DISC1: variants seen among roughly 807,000 people sequenced by gnomAD.
DISC1 encodes disrupted in schizophrenia 1 protein.
DISC1 carries 57 observed loss-of-function variants against 84.5 expected under a neutral mutation model. The observed-to-expected ratio is 0.67, with a 90% CI of 0.55 to 0.84. DISC1 has a LOEUF of 0.84. DISC1 is among the 40% of genes least tolerant of loss of function. DISC1 has a pLI of 0.00. For synonymous variants in DISC1, 411 were observed against 415.2 expected (o/e 0.99, Z 0.12); for missense variants, 1,000 against 1,057.8 (o/e 0.95, Z 0.76).
chr1:231,804,861 G>A (rs1011077554), intron 8 of DISC1, among the ~76,000 whole-genome samples: 1 of 152,160 alleles, frequency 6.6e-6, no homozygotes, highest in Non-Finnish European at 1.5e-5. Flanking sequence ...CCATGTTTTA[G>A]CGGAGTAGTG....
chr1:231,760,665 T>TG (rs751448038), intron 4 of DISC1, among the ~76,000 whole-genome samples: 14 of 152,364 alleles, frequency 9.2e-5, no homozygotes, highest in Non-Finnish European at 1.8e-4. Context: ...AAGGACCTCC[T>TG]GTGTTACATG....
chr1:231,843,305 G>A (rs2083212956), intron 9 of DISC1, among the ~76,000 whole-genome samples: 1 of 152,196 alleles, frequency 6.6e-6, no homozygotes, highest in Non-Finnish European at 1.5e-5. Flanking sequence ...TGTTCAGTGG[G>A]GTGGAGGAGT....
intron 9 of DISC1, among the ~76,000 whole-genome samples, chr1:231,950,247 T>TGTGTGTGTGA (rs1553405395): frequency 1.3e-5 from 2 of 148,668 alleles, no homozygotes; most frequent in East Asian, 2.0e-4. Flanking sequence ...TGTGTGTGTG[T>TGTGTGTGTGA]GATGCCCATA....
chr1:231,716,502 C>T (rs372632938), intron 3 of DISC1, among the ~76,000 whole-genome samples: 3 of 152,034 alleles, frequency 2.0e-5, no homozygotes, highest in South Asian at 4.2e-4. Context: ...TGCTTTGTTG[C>T]ATGACATTGG....
In DISC1 at chr1:231,846,011, G is replaced by A. The variant is rs1376796081; in HGVS notation, c.1981+27494G>A. On this transcript the variant is annotated intron_variant, in intron 9 of 12. Coordinates refer to ENST00000439617, the MANE Select transcript of DISC1 (RefSeq NM_018662.3). ...GCCCCCAGAGAAGGGGGATGTCCCA[G>A]ATGAGAGCAATGAGAAGGACAGCTT... Among the ~76,000 whole-genome samples the A allele has an allele frequency of 2.0e-5, 3 of 152,104 alleles. No homozygotes were observed. The East Asian group carries it at 5.8e-4, about 30-fold the overall frequency.
At chr1:231,717,829 C>G (rs1313657019) in intron 3 of DISC1, among the ~76,000 whole-genome samples, 1 of 152,126 alleles carries the variant, frequency 6.6e-6, no homozygotes, top group Non-Finnish European at 1.5e-5. Flanking sequence ...ACAGTCAAAT[C>G]TCTTCATTAA....
At chr1:231,659,330 C>CTATTGTA (rs2061393212) in intron 1 of DISC1, among the ~76,000 whole-genome samples, 1 of 152,050 alleles carries the variant, frequency 6.6e-6, no homozygotes, top group Non-Finnish European at 1.5e-5. Flanking sequence ...GGTGATATCT[C>CTATTGTA]CCTTAACATT....
chr1:231,840,917 A>T (rs962890292), intron 9 of DISC1, among the ~76,000 whole-genome samples: 15 of 152,262 alleles, frequency 9.9e-5, no homozygotes, highest in South Asian at 2.1e-4. Flanking sequence ...GTAAATTTTT[A>T]AAAAATTTTA....
At chr1:231,875,262 G>A (rs916536800) in intron 9 of DISC1, among the ~76,000 whole-genome samples, 1 of 152,146 alleles carries the variant, frequency 6.6e-6, no homozygotes, top group Admixed American at 6.5e-5. Context: ...TGAACCTGTG[G>A]GGATGTGAGC....
At chr1:231,681,110 C>T (rs148439696) in intron 1 of DISC1, among the ~76,000 whole-genome samples, 21 of 152,300 alleles carry the variant, frequency 1.4e-4, no homozygotes, top group South Asian at 2.1e-4. Context: ...GAGGGGGGCT[C>T]AGATGGTGAT....
intron 9 of DISC1, among the ~76,000 whole-genome samples, chr1:231,829,362 G>C (rs1426092043): frequency 6.6e-6 from 1 of 151,816 alleles, no homozygotes; most frequent in Non-Finnish European, 1.5e-5. Context: ...TTGTTTTTTT[G>C]TGCCTTTATA....
chr1:231,933,157 G>T (rs1311265426), intron 9 of DISC1, among the ~76,000 whole-genome samples: 1 of 152,110 alleles, frequency 6.6e-6, no homozygotes, highest in Non-Finnish European at 1.5e-5. Flanking sequence ...TAATAGTATT[G>T]TCCCAATTTT....
At chr1:232,034,864 A>G (rs1174071607) in intron 12 of DISC1, among the ~76,000 whole-genome samples, 1 of 151,916 alleles carries the variant, frequency 6.6e-6, no homozygotes, top group Non-Finnish European at 1.5e-5. Context: ...GATTAGCGGA[A>G]CTATGTAAGA....
chr1:231,902,787 C>T (rs1230235295), intron 9 of DISC1, among the ~76,000 whole-genome samples: 1 of 152,114 alleles, frequency 6.6e-6, no homozygotes, highest in African/African-American at 2.4e-5. Context: ...TTGAGTATCC[C>T]TGTCTAAATC....
intron 4 of DISC1, among the ~76,000 whole-genome samples, chr1:231,761,334 G>T (rs1463715127): frequency 6.6e-6 from 1 of 152,224 alleles, no homozygotes; most frequent in East Asian, 1.9e-4. Flanking sequence ...TACACTTTGA[G>T]AATTATTAAA....
chr1:231,953,313 A>G (rs1456666927), intron 9 of DISC1, among the ~76,000 whole-genome samples: 2 of 152,178 alleles, frequency 1.3e-5, no homozygotes, highest in Admixed American at 6.5e-5. Flanking sequence ...TTTGCCCTTC[A>G]GTGTGAAATT....
Position 232,039,424 on chromosome 1 carries a change from A to T in DISC1, c.*2593A>T, listed in dbSNP as rs772775394. On this transcript the variant is annotated 3_prime_UTR_variant, in exon 13 of 13. Coordinates refer to ENST00000439617, the MANE Select transcript of DISC1 (RefSeq NM_018662.3). Reference sequence around the variant, plus strand: ...CTGCCTTGAATTGTTTGAACCCGAAATAAGGGTTCTTTGGTACCTCTAGTA... The same window carrying T: ...CTGCCTTGAATTGTTTGAACCCGAATTAAGGGTTCTTTGGTACCTCTAGTA... 6.6e-6 allele frequency: 1 copy of T among 152,184 alleles called. No homozygotes were observed. Among genetic ancestry groups the T allele is most frequent in the Non-Finnish European group, 1.5e-5 (1 of 68,036 alleles). The allele number at this position is 152,184 out of a possible 1,614,324, so 9.4% of individuals were successfully genotyped here. A position where few individuals can be genotyped will look rare whatever the true frequency, so the allele number is the denominator to read the frequency against.
intron 1 of DISC1, among the ~76,000 whole-genome samples, chr1:231,639,607 T>C (rs140448937): frequency 3.0e-4 from 45 of 152,316 alleles, no homozygotes; most frequent in African/African-American, 1.1e-3. Context: ...GGAAAGGACA[T>C]GGATGGGGAA....
chr1:231,703,553 A>C (rs2066666905), intron 3 of DISC1, among the ~76,000 whole-genome samples: 1 of 152,220 alleles, frequency 6.6e-6, no homozygotes, highest in Non-Finnish European at 1.5e-5. Context: ...TAAAGCTTAC[A>C]ATGCAGTGAA....
Sources: gnomAD v4.1 joint callset for allele counts (sites outside exome capture counted in the v4.1 genomes callset) on GRCh38, gnomAD v4.1.1 for gene constraint, MANE v1.5 for transcripts, NCBI Gene and HGNC (gene_info 2026-07-23, HGNC 2026-07-21) for gene names.